The following SUMF2 variants were observed in gnomAD, a reference collection of about 807,000 sequenced individuals.
SUMF2 encodes the protein inactive C-alpha-formylglycine-generating enzyme 2.
A neutral mutation model predicts 44.8 loss-of-function variants in SUMF2; 45 were observed. That is an observed-to-expected ratio of 1.00 (90% CI 0.79 to 1.29). The LOEUF (loss-of-function observed/expected upper bound fraction) is 1.29, where lower values mean the gene tolerates loss of function less well. Ranked by LOEUF, SUMF2 falls within the 50% of genes most tolerant of loss-of-function variation. The pLI is 0.00. For synonymous variants in SUMF2, 148 were observed against 150.4 expected, an observed-to-expected ratio of 0.98 and a Z score of 0.12; for missense variants, 418 against 389.9, an observed-to-expected ratio of 1.07 and a Z score of -0.61.
the SUMF2 span, among the ~76,000 whole-genome samples, chr7:56,086,550 G>A: frequency 1.3e-5 from 2 of 151,924 alleles, no homozygotes; most frequent in African/African-American, 4.8e-5. Flanking sequence ...GTTCAACGGC[G>A]TGATCTCGGC....
rs1795397263 is a variant in SUMF2 at position 56,074,456 on chromosome 7, A to G, written c.385-130A>G. 4 of 1,263,294 alleles carry G rather than the reference A, an allele frequency of 3.2e-6. No individual in the cohort carries two copies. The Admixed American group carries it at 7.1e-5, about 22-fold the overall frequency. 78.3% of individuals were successfully genotyped at this position (1,263,294 alleles called of 1,614,324 possible). A position where few individuals can be genotyped will look rare whatever the true frequency, so the allele number is the denominator to read the frequency against. ...TTTTTTCTGACTCCGACCACTGGTCACTCACCCGGCTCTCTTCCAGCTCTC... is the reference window on the plus strand; with the variant it reads ...TTTTTTCTGACTCCGACCACTGGTCGCTCACCCGGCTCTCTTCCAGCTCTC... On this transcript the variant is annotated intron_variant, in intron 4 of 8. Coordinates refer to ENST00000434526, the MANE Select transcript of SUMF2 (RefSeq NM_015411.4).
rs1795920258 is a variant in SUMF2 at position 56,080,571 on chromosome 7, T to A, written c.*959T>A. On this transcript the variant is annotated 3_prime_UTR_variant, in exon 9 of 9. Transcript: ENST00000434526. ...GAGCCACCTCGCCTGGGCCCCCTTC[T>A]CCATATGCCTCCAAAAACATGTCCC... The A allele has an allele frequency of 5.9e-6, 1 of 170,848 alleles. No individual in the cohort carries two copies. The highest frequency in any genetic ancestry group is 2.8e-3 in the Middle Eastern group (1 of 362). 10.6% of individuals were successfully genotyped at this position (170,848 alleles called of 1,614,324 possible).
At chr7:56,083,325 G>A, downstream of SUMF2, 8 of 1,614,140 alleles carry the variant, frequency 5.0e-6, no homozygotes, top group Non-Finnish European at 6.8e-6. Context: ...GCCAAAGTCT[G>A]TGAGCTTGAT....
downstream of SUMF2, chr7:56,081,086 C>T (rs375841179): frequency 3.5e-5 from 56 of 1,613,004 alleles, no homozygotes; most frequent in South Asian, 2.1e-4. This position sits in a 1 kb window ranked among gnomAD's most constrained non-coding sequence, Gnocchi z 4.6. Flanking sequence ...GAGAGGAGCA[C>T]GGCCTTGGGT....
At chr7:56,087,401 A>T in the SUMF2 span, among the ~76,000 whole-genome samples, 6 of 151,846 alleles carry the variant, frequency 4.0e-5, no homozygotes, top group African/African-American at 1.5e-4. Flanking sequence ...CAGCCCAGGG[A>T]CATCAAACCC....
intron 8 of SUMF2, 85 bp downstream of exon 8, chr7:56,078,593 A>G: frequency 7.1e-7 from 1 of 1,403,416 alleles, no homozygotes; most frequent in East Asian, 2.5e-5. Context: ...CCCTACCTTC[A>G]CACCACCAAC....
At chr7:56,068,031 C>CTTTTTT (rs565131237) in intron 1 of SUMF2, among the ~76,000 whole-genome samples, 1 of 110,350 alleles carries the variant, frequency 9.1e-6, no homozygotes. Flanking sequence ...TTTTTTCTTT[C>CTTTTTT]TTTTTTTTTT....
At position 56,079,686 on chromosome 7, in the gene SUMF2, A is replaced by G. The variant is rs776267341; in HGVS notation, c.*74A>G. On this transcript the variant is annotated 3_prime_UTR_variant, in exon 9 of 9. Coordinates refer to ENST00000434526, the MANE Select transcript of SUMF2 (RefSeq NM_015411.4). ...CCCTGGCCATGTTGCAAACAGCGCA[A>G]TTCCAAGCTCGAGAGCTTCAGCCTC... 1 of 1,613,852 alleles carries G rather than the reference A, an allele frequency of 6.2e-7. No homozygotes were observed. The highest frequency in any genetic ancestry group is 1.1e-5 in the South Asian group (1 of 91,062).
downstream of SUMF2, chr7:56,084,207 A>T (rs1584624266): frequency 7.2e-6 from 11 of 1,534,530 alleles, no homozygotes; most frequent in East Asian, 2.7e-4. Context: ...CCCAAGCACC[A>T]TTTCTGTTCC....
chr7:56,081,411 C>T (rs1196867049), downstream of SUMF2: 28 of 1,389,882 alleles, frequency 2.0e-5, no homozygotes, highest in Admixed American at 7.0e-5. This position sits in a 1 kb window ranked among gnomAD's most constrained non-coding sequence, Gnocchi z 4.6. Context: ...GTGGCTTCTG[C>T]GGGGCCTTCC....
chr7:56,082,093 C>T (rs777211779), downstream of SUMF2: 104 of 1,608,396 alleles, frequency 6.5e-5, 1 homozygote, highest in Admixed American at 8.4e-5. Flanking sequence ...CCAGGGGCAC[C>T]GGCCCAGCCC....
chr7:56,066,227 C>T (rs1197244095), intron 1 of SUMF2, among the ~76,000 whole-genome samples: 1 of 152,038 alleles, frequency 6.6e-6, no homozygotes, highest in African/African-American at 2.4e-5. Flanking sequence ...AGGACTCTGC[C>T]TTGAAAGAAG....
intron 4 of SUMF2, 35 bp downstream of exon 4, chr7:56,074,253 C>T: frequency 6.3e-7 from 1 of 1,599,884 alleles, no homozygotes; most frequent in South Asian, 1.1e-5. Flanking sequence ...TTTTCTACCC[C>T]TGCTTGACTC....
At chr7:56,086,036 C>T in the SUMF2 span, among the ~76,000 whole-genome samples, 1 of 151,158 alleles carries the variant, frequency 6.6e-6, no homozygotes, top group African/African-American at 2.4e-5. Context: ...CTCCAAACTC[C>T]TTACTATGGC....
At position 56,079,353 on chromosome 7, in the gene SUMF2, G is replaced by A; in HGVS notation, c.822-175G>A. 8 of 654,464 alleles carry A rather than the reference G, an allele frequency of 1.2e-5. 1 individual carries two copies. In the South Asian group the frequency reaches 1.6e-4, roughly 13 times the overall value. The allele number at this position is 654,464 out of a possible 1,614,324, so 40.5% of individuals were successfully genotyped here. On this transcript the variant is annotated intron_variant, in intron 8 of 8. Coordinates refer to ENST00000434526, the MANE Select transcript of SUMF2 (RefSeq NM_015411.4). ...CCCCTTCTTGTCCCCTTTCTCCCAG[G>A]ACTGGCACAGGCTCAGGACCTGTCC...
chr7:56,073,601 G>A (rs949304866), intron 3 of SUMF2: 23 of 192,356 alleles, frequency 1.2e-4, no homozygotes, highest in African/African-American at 5.1e-4. Context: ...CCGAGATGGC[G>A]CCACTGCACT....
intron 1 of SUMF2, among the ~76,000 whole-genome samples, chr7:56,065,787 A>G (rs1794743200): frequency 6.6e-6 from 1 of 152,094 alleles, no homozygotes; most frequent in African/African-American, 2.4e-5. Flanking sequence ...TATTTGTGAA[A>G]GAAACTGAAA....
rs1185225676 is a variant in SUMF2 at position 56,078,368 on chromosome 7, C to G, written c.681C>G (p.Leu227=). The G allele has an allele frequency of 1.2e-6, 2 of 1,604,480 alleles. No individual in the cohort carries two copies. The highest frequency in any genetic ancestry group is 1.7e-6 in the Non-Finnish European group (2 of 1,174,308). ...NAFPAQNNYG[L]YDLLGNVWEW... is the part of the protein sequence containing the mutation. ...GACCCGCCGGTGGGGCTGCAGGGCT[C>G]TATGACCTCCTGGGGAACGTGTGGG... Residue 227 remains leucine (L), a synonymous_variant, in exon 8 of 9, where the codon CTC becomes CTG. Coordinates refer to ENST00000434526, the MANE Select transcript of SUMF2 (RefSeq NM_015411.4).
At chr7:56,064,498 G>T in intron 1 of SUMF2, 120 bp downstream of exon 1, 1 of 1,400,966 alleles carries the variant, frequency 7.1e-7, no homozygotes, top group Non-Finnish European at 9.5e-7. Flanking sequence ...GCGGCAGGCT[G>T]GGGAGGTAGC....
Sources: allele counts gnomAD v4.1 joint callset (sites outside exome capture counted in the v4.1 genomes callset), GRCh38; gene constraint gnomAD v4.1.1; non-coding constraint Gnocchi (gnomAD v3.1); transcripts MANE v1.5; gene names NCBI Gene and HGNC (gene_info 2026-07-23, HGNC 2026-07-21).